Variants in BMPR2 observed in about 807,000 individuals in gnomAD.
BMPR2 encodes bone morphogenetic protein receptor type-2.
In BMPR2, 29 loss-of-function variants were observed where a neutral mutation model predicts 100.8. The observed-to-expected ratio is 0.29, with a 90% CI of 0.21 to 0.39. BMPR2 has a LOEUF of 0.39. BMPR2 is among the 10% of genes least tolerant of loss of function. The pLI is 1.00. For synonymous variants in BMPR2, 382 were observed against 442.3 expected (o/e 0.86, Z 1.71); for missense variants, 1,011 against 1,274.5 (o/e 0.79, Z 3.15).
intron 1 of BMPR2, among the ~76,000 whole-genome samples, chr2:202,422,459 A>C (rs568105581): frequency 1.3e-5 from 2 of 151,106 alleles, no homozygotes; most frequent in Non-Finnish European, 2.9e-5. Context: ...GGTGTCCGCC[A>C]CCATGCCCGG....
Position 202,560,708 on chromosome 2 carries a change from A to G in BMPR2, c.*762A>G, listed in dbSNP as rs1047082989. On this transcript the variant is annotated 3_prime_UTR_variant, in exon 13 of 13. Coordinates refer to ENST00000374580, the MANE Select transcript of BMPR2 (RefSeq NM_001204.7). ...CTACCAAAACCTGACTTGAAATGCC[A>G]TTTCTTTTAACCTTCCAAATCCTAA... 3.9e-5 allele frequency: 6 copies of G among 152,608 alleles called. No individual in the cohort carries two copies. Among genetic ancestry groups the G allele is most frequent in the South Asian group, 4.1e-4 (2 of 4,832 alleles). 9.5% of individuals were successfully genotyped at this position (152,608 alleles called of 1,614,324 possible). A position where few individuals can be genotyped will look rare whatever the true frequency, so the allele number is the denominator to read the frequency against.
chr2:202,456,063 C>CAAAA (rs750470872), intron 1 of BMPR2, among the ~76,000 whole-genome samples: 2 of 36,764 alleles, frequency 5.4e-5, no homozygotes, highest in East Asian at 1.4e-3. Context: ...AGACCCGTCT[C>CAAAA]AAAAAAAAAA....
chr2:202,401,287 A>G (rs984489505), intron 1 of BMPR2, among the ~76,000 whole-genome samples: 1 of 152,218 alleles, frequency 6.6e-6, no homozygotes, highest in African/African-American at 2.4e-5. Flanking sequence ...TGAAAGGAAC[A>G]TGGTTCTAAG....
intron 1 of BMPR2, among the ~76,000 whole-genome samples, chr2:202,385,683 G>A (rs1184292729): frequency 1.4e-5 from 2 of 147,062 alleles, no homozygotes; most frequent in African/African-American, 4.9e-5. Context: ...AAAAAAGCAT[G>A]TATTTTTATA....
chr2:202,413,035 G>GT (rs1691045283), intron 1 of BMPR2, among the ~76,000 whole-genome samples: 1 of 152,212 alleles, frequency 6.6e-6, no homozygotes, highest in African/African-American at 2.4e-5. Flanking sequence ...TATGCATAGT[G>GT]TTTTTGTAGT....
chr2:202,533,830 G>A lies in BMPR2; in HGVS notation c.1276+1098G>A, dbSNP rs1422924053. ...AGAGCAAGACTCCGTCTCAAAAAAA[G>A]GGAAAGAATACTCATTTAAGTGAAT... is the stretch of plus-strand genomic sequence containing the variant. On this transcript the variant is annotated intron_variant, in intron 9 of 12. Transcript: ENST00000374580. Among the ~76,000 whole-genome samples the A allele has an allele frequency of 1.4e-4, 22 of 152,074 alleles. 1 individual carries two copies. The highest frequency in any genetic ancestry group is 1.4e-3 in the Admixed American group (22 of 15,264).
At chr2:202,440,792 C>T (rs1396422194) in intron 1 of BMPR2, among the ~76,000 whole-genome samples, 3 of 150,086 alleles carry the variant, frequency 2.0e-5, no homozygotes, top group Non-Finnish European at 4.4e-5. Context: ...CCGGGGAGAC[C>T]GGGGAGACCG....
At chr2:202,507,919 C>G (rs1687554276) in intron 3 of BMPR2, among the ~76,000 whole-genome samples, 1 of 151,430 alleles carries the variant, frequency 6.6e-6, no homozygotes, top group South Asian at 2.1e-4. Flanking sequence ...AGGCTGGTCT[C>G]GAGCTCCTGA....
chr2:202,384,473 TG>T (rs1438726719), intron 1 of BMPR2, among the ~76,000 whole-genome samples: 1 of 152,212 alleles, frequency 6.6e-6, no homozygotes, highest in Non-Finnish European at 1.5e-5. Context: ...CATCTCTTTC[TG>T]GAAGGTTAGA....
chr2:202,424,138 C>T (rs1008473197), intron 1 of BMPR2, among the ~76,000 whole-genome samples: 2 of 149,694 alleles, frequency 1.3e-5, no homozygotes, highest in African/African-American at 4.9e-5. Context: ...CTTTGAGAGG[C>T]CGAGGCGGGC....
chr2:202,549,250 A>G (rs182361157), intron 10 of BMPR2, among the ~76,000 whole-genome samples: 21 of 152,164 alleles, frequency 1.4e-4, no homozygotes, highest in Non-Finnish European at 2.1e-4. Flanking sequence ...AGTTATAATT[A>G]TTATTCATGT....
intron 7 of BMPR2, among the ~76,000 whole-genome samples, chr2:202,526,945 C>G (rs1202360646): frequency 6.6e-6 from 1 of 152,060 alleles, no homozygotes. Context: ...CTCACTGCAA[C>G]CTCCGCCTCC....
chr2:202,567,334 C>T lies in BMPR2; in HGVS notation c.*7388C>T, dbSNP rs149345058. The stretch of plus-strand genomic sequence containing the variant: ...AGAAAATACTCGCACTTCCTCAGAA[C>T]CCTCTTTCTTGTTAACGGGTATCTT... On this transcript the variant is annotated 3_prime_UTR_variant, in exon 13 of 13. Transcript: ENST00000374580. 4.6e-3 allele frequency: 697 copies of T among 152,738 alleles called. 1 individual carries two copies. Among genetic ancestry groups the T allele is most frequent in the Non-Finnish European group, 7.3e-3 (497 of 68,032 alleles). 9.5% of individuals were successfully genotyped at this position (152,738 alleles called of 1,614,324 possible).
chr2:202,388,874 C>T (rs1408550325), intron 1 of BMPR2, among the ~76,000 whole-genome samples: 1 of 151,708 alleles, frequency 6.6e-6, no homozygotes, highest in Non-Finnish European at 1.5e-5. Context: ...TTCACATTAC[C>T]CTTTTAATGA....
intron 9 of BMPR2, among the ~76,000 whole-genome samples, chr2:202,534,822 TC>T (rs1328087735): frequency 6.6e-6 from 1 of 150,744 alleles, no homozygotes; most frequent in Non-Finnish European, 1.5e-5. Flanking sequence ...GCTCCTCACC[TC>T]CCGGACGGGG....
chr2:202,509,939 T>G lies in BMPR2; in HGVS notation c.419-3780T>G, dbSNP rs78486930. ...TTTTATCTGTAATGCCATATTAATATTACATTTAATATTTAATTTTATTTT... is the reference window on the plus strand; with the variant it reads ...TTTTATCTGTAATGCCATATTAATAGTACATTTAATATTTAATTTTATTTT... On this transcript the variant is annotated intron_variant, in intron 3 of 12. Transcript: ENST00000374580. Among the ~76,000 whole-genome samples the G allele has an allele frequency of 2.5e-3, 377 of 152,226 alleles. 3 individuals carry two copies. The highest frequency in any genetic ancestry group is 8.4e-3 in the African/African-American group (348 of 41,568).
intron 1 of BMPR2, among the ~76,000 whole-genome samples, chr2:202,457,763 T>C (rs1692149293): frequency 6.6e-6 from 1 of 152,100 alleles, no homozygotes; most frequent in Non-Finnish European, 1.5e-5. Flanking sequence ...GGAGTTTTGC[T>C]CTGTCACCCA....
rs772920507 is a variant in BMPR2, at chr2:202,555,406, G to GA, written c.1748dup (p.Asn583LysfsTer6). 1.2e-6 allele frequency: 2 copies of GA among 1,613,934 alleles called. No homozygotes were observed. Among genetic ancestry groups the GA allele is most frequent in the South Asian group, 1.1e-5 (1 of 91,066 alleles). On this transcript the variant is annotated frameshift_variant, in exon 12 of 13. Coordinates refer to ENST00000374580, the MANE Select transcript of BMPR2 (RefSeq NM_001204.7). LOFTEE classifies it high-confidence loss of function. ...GTCCAGCACACCTTTGACTATAGGG[G>GA]AAAAAAACCGAAATTCAATTAACTA...
At chr2:202,481,171 C>T (rs1235592641) in intron 3 of BMPR2, among the ~76,000 whole-genome samples, 1 of 146,278 alleles carries the variant, frequency 6.8e-6, no homozygotes, top group African/African-American at 2.7e-5. Flanking sequence ...CTTCTCTTTT[C>T]TCTTCTCTTC....
Sources: allele counts gnomAD v4.1 joint callset (sites outside exome capture counted in the v4.1 genomes callset), GRCh38; gene constraint gnomAD v4.1.1; transcripts MANE v1.5; gene names NCBI Gene and HGNC (gene_info 2026-07-23, HGNC 2026-07-21).